The following PXDNL variants were observed in gnomAD, a reference collection of about 807,000 sequenced individuals.
PXDNL encodes the protein probable oxidoreductase PXDNL.
PXDNL carries 145 observed loss-of-function variants against 150.8 expected under a neutral mutation model. That is an observed-to-expected ratio of 0.96 (90% confidence interval 0.84 to 1.10). The LOEUF (loss-of-function observed/expected upper bound fraction) is 1.10, where lower values mean the gene tolerates loss of function less well. Ranked by LOEUF, PXDNL falls within the 50% of genes least tolerant of loss-of-function variation. PXDNL has a pLI of 0.00. For synonymous variants in PXDNL, 757 were observed against 725.7 expected (o/e 1.04, Z -0.69); for missense variants, 2,087 against 1,873.9 (o/e 1.11, Z -2.10).
chr8:51,453,931 T>G, intron 9 of PXDNL, 146 bp from the exon 10 acceptor site: 1 of 721,622 alleles, frequency 1.4e-6, no homozygotes, highest in Non-Finnish European at 2.1e-6. Flanking sequence ...ACACATTTAA[T>G]TCCCAGAAAA....
At chr8:51,524,674 T>G (rs1811732077) in intron 4 of PXDNL, among the ~76,000 whole-genome samples, 1 of 152,200 alleles carries the variant, frequency 6.6e-6, no homozygotes, top group Admixed American at 6.5e-5. Context: ...CTCAATTAAT[T>G]TTTTACTTAT....
At chr8:51,443,066 TTGAG>T (rs982834664) in intron 12 of PXDNL, among the ~76,000 whole-genome samples, 1 of 152,148 alleles carries the variant, frequency 6.6e-6, no homozygotes, top group African/African-American at 2.4e-5. Context: ...GAGTCATAAT[TTGAG>T]TATCTGTTCT....
chr8:51,349,527 C>A (rs1410103307), intron 19 of PXDNL, among the ~76,000 whole-genome samples: 1 of 152,202 alleles, frequency 6.6e-6, no homozygotes, highest in Non-Finnish European at 1.5e-5. Context: ...TCCTCACATT[C>A]TCTGAGAAGA....
chr8:51,509,002 C>G (rs1433509093), intron 4 of PXDNL, among the ~76,000 whole-genome samples: 1 of 152,158 alleles, frequency 6.6e-6, no homozygotes. Flanking sequence ...ACCCTACTGC[C>G]TCCTTACTCT....
At chr8:51,587,904 G>A (rs1039706520) in intron 3 of PXDNL, among the ~76,000 whole-genome samples, 8 of 152,086 alleles carry the variant, frequency 5.3e-5, no homozygotes, top group African/African-American at 9.7e-5. Context: ...ATGGCCACCC[G>A]ACCTCACAGA....
chr8:51,709,515 A>C (rs1489266063), intron 1 of PXDNL, among the ~76,000 whole-genome samples: 1 of 152,076 alleles, frequency 6.6e-6, no homozygotes, highest in Non-Finnish European at 1.5e-5. Flanking sequence ...CCGCCTCCCA[A>C]AGTGCTGGAT....
chr8:51,775,633 A>G (rs1190150893), intron 1 of PXDNL, among the ~76,000 whole-genome samples: 2 of 152,212 alleles, frequency 1.3e-5, no homozygotes, highest in Non-Finnish European at 2.9e-5. Context: ...GATTTCATGG[A>G]CATTTATCAC....
intron 2 of PXDNL, among the ~76,000 whole-genome samples, chr8:51,593,875 T>C (rs1007020840): frequency 1.3e-5 from 2 of 152,222 alleles, no homozygotes; most frequent in Non-Finnish European, 2.9e-5. Flanking sequence ...TTTTCATGGA[T>C]AATTCTAAGC....
intron 1 of PXDNL, among the ~76,000 whole-genome samples, chr8:51,660,629 G>A (rs752929523): frequency 2.0e-5 from 3 of 152,134 alleles, no homozygotes; most frequent in Non-Finnish European, 4.4e-5. Flanking sequence ...ATCTGTACCT[G>A]GGCCAAAAGC....
Position 51,548,448 on chromosome 8 carries a change from C to T in PXDNL, c.380+8392G>A, listed in dbSNP as rs1387759139. 3.3e-5 allele frequency among the ~76,000 whole-genome samples: 5 copies of T among 152,190 alleles called. No individual in the cohort carries two copies. The East Asian group carries it at 9.7e-4, about 29-fold the overall frequency. On this transcript the variant is annotated intron_variant, in intron 4 of 22. Transcript: ENST00000356297. ...CTTAAGAGTTGTGAGGCAAAAGTAC[C>T]AGGTAGTCTATAAAGGAAAACTTAT...
rs565409704 is a variant in PXDNL at position 51,426,929 on chromosome 8, C to T, written c.1526-171G>A. On this transcript the variant is annotated intron_variant, in intron 12 of 22. Coordinates refer to ENST00000356297, the MANE Select transcript of PXDNL (RefSeq NM_144651.5). ...ATAACAAGCATCACACCCAGGCTGG[C>T]GGCAAGTACAGCAGAGGCCGGAGCA... Among the ~76,000 whole-genome samples, 14 of 152,242 alleles carry T rather than the reference C, an allele frequency of 9.2e-5. No individual in the cohort carries two copies. The South Asian group carries it at 2.7e-3, about 29-fold the overall frequency.
Position 51,409,238 on chromosome 8 carries a change from C to A in PXDNL, c.2386G>T (p.Asp796Tyr), listed in dbSNP as rs376470459. 4.6e-6 allele frequency: 7 copies of A among 1,525,104 alleles called. No individual in the cohort carries two copies. The highest frequency in any genetic ancestry group is 6.1e-6 in the Non-Finnish European group (7 of 1,140,648). The allele number at this position is 1,525,104 out of a possible 1,614,324, so 94.5% of individuals were successfully genotyped here. The change falls in exon 17 of 23, where the codon GAC becomes TAC. Residue 796 changes from aspartate (D) to tyrosine (Y), a missense_variant. By Grantham distance (160) the Asp-to-Tyr change is radical. Coordinates refer to ENST00000356297, the MANE Select transcript of PXDNL (RefSeq NM_144651.5). ...ATGAGCATGCGCGTGTAGCTGTGGT[C>A]GGGGGTGACGGCCGCCGCGCGCGCC... The part of the protein sequence containing the change: ...VWARAAAVTP[D>Y]HSYTRMLMHW...
At chr8:51,734,704 A>G (rs1266206737) in intron 1 of PXDNL, among the ~76,000 whole-genome samples, 2 of 152,232 alleles carry the variant, frequency 1.3e-5, no homozygotes, top group East Asian at 1.9e-4. Flanking sequence ...AGTAAAGACA[A>G]TATTTTCTAC....
intron 21 of PXDNL, among the ~76,000 whole-genome samples, chr8:51,334,039 A>G (rs1316196415): frequency 6.6e-6 from 1 of 152,158 alleles, no homozygotes; most frequent in African/African-American, 2.4e-5. Context: ...AGCCCATGGA[A>G]CTTTCTCCAA....
chr8:51,501,862 G>A (rs1224425009), intron 4 of PXDNL, among the ~76,000 whole-genome samples: 1 of 152,198 alleles, frequency 6.6e-6, no homozygotes, highest in African/African-American at 2.4e-5. Flanking sequence ...CTGAAAGCAG[G>A]GAAGAGAGAG....
chr8:51,332,677 A>G (rs1024044163), intron 21 of PXDNL, among the ~76,000 whole-genome samples: 6 of 152,186 alleles, frequency 3.9e-5, no homozygotes, highest in Non-Finnish European at 5.9e-5. Context: ...ACACACTTTT[A>G]GAAATGTGAA....
At chr8:51,761,213 G>A (rs188946508) in intron 1 of PXDNL, among the ~76,000 whole-genome samples, 7 of 151,966 alleles carry the variant, frequency 4.6e-5, no homozygotes, top group Admixed American at 1.3e-4. Context: ...TGAACTGAAT[G>A]AGAGGCATTA....
At chr8:51,774,972 G>GCAT (rs1179587558) in intron 1 of PXDNL, among the ~76,000 whole-genome samples, 2 of 152,160 alleles carry the variant, frequency 1.3e-5, no homozygotes, top group African/African-American at 2.4e-5. Flanking sequence ...ATTTTACTCT[G>GCAT]CATAGAATTC....
intron 1 of PXDNL, among the ~76,000 whole-genome samples, chr8:51,772,232 C>A (rs572110493): frequency 7.8e-4 from 111 of 142,502 alleles, no homozygotes; most frequent in Middle Eastern, 3.6e-3. Context: ...CTCTCTCTCT[C>A]TATATACACA....
Sources: gnomAD v4.1 joint callset for allele counts (sites outside exome capture counted in the v4.1 genomes callset) on GRCh38, gnomAD v4.1.1 for gene constraint, MANE v1.5 for transcripts, NCBI Gene and HGNC (gene_info 2026-07-23, HGNC 2026-07-21) for gene names.